Variants in DAB1 observed in about 807,000 individuals in gnomAD.
DAB1 encodes disabled homolog 1.
A neutral mutation model predicts 64.6 loss-of-function variants in DAB1; 15 were observed. The observed-to-expected ratio is 0.23, with a 90% CI of 0.16 to 0.36. The LOEUF is 0.36. DAB1 is among the 10% of genes least tolerant of loss of function. DAB1 has a pLI of 1.00. For synonymous variants in DAB1, 235 were observed against 251.9 expected, an observed-to-expected ratio of 0.93 and a Z score of 0.64; for missense variants, 596 against 706.7, an observed-to-expected ratio of 0.84 and a Z score of 1.78.
At chr1:57,482,477 T>TAAAAAAA (rs918167439) in intron 7 of DAB1, among the ~76,000 whole-genome samples, 6 of 61,184 alleles carry the variant, frequency 9.8e-5, no homozygotes, top group Admixed American at 2.0e-4. Flanking sequence ...CTGAAAGTTG[T>TAAAAAAA]AAAAAAAAAA....
chr1:57,649,954 A>G (rs1019068814), intron 6 of DAB1, among the ~76,000 whole-genome samples: 1 of 152,234 alleles, frequency 6.6e-6, no homozygotes, highest in African/African-American at 2.4e-5. Flanking sequence ...ATACATATCT[A>G]CACATACACA....
chr1:57,448,006 C>A (rs893857629), intron 7 of DAB1, among the ~76,000 whole-genome samples: 1 of 152,150 alleles, frequency 6.6e-6, no homozygotes, highest in Non-Finnish European at 1.5e-5. Context: ...AAATAGGGAA[C>A]AAATTGTTCC....
At chr1:57,418,841 T>C (rs1684688094) in intron 1 of DAB1, among the ~76,000 whole-genome samples, 1 of 152,204 alleles carries the variant, frequency 6.6e-6, no homozygotes, top group Admixed American at 6.5e-5. Flanking sequence ...AGGAGTTTTA[T>C]GATTCCTCAA....
intron 7 of DAB1, among the ~76,000 whole-genome samples, chr1:57,625,076 A>C (rs753775196): frequency 2.0e-5 from 3 of 152,222 alleles, no homozygotes; most frequent in Non-Finnish European, 4.4e-5. Context: ...GATGCTGGGA[A>C]GGAAGGCATT....
Position 57,679,855 on chromosome 1 carries a change from C to T in DAB1, n.552-30190G>A, listed in dbSNP as rs147728390. On this transcript the variant is annotated intron_variant and non_coding_transcript_variant, in intron 6 of 20. Coordinates refer to the DAB1 transcript ENST00000485760. ...ATGAGTCAGGCACTGTACTAAGTTC[C>T]TTGAAGATATCATCTCATTTAGCTA... Among the ~76,000 whole-genome samples, 1,163 of 152,302 alleles carry T rather than the reference C, an allele frequency of 7.6e-3. 14 individuals carry two copies. Among genetic ancestry groups the T allele is most frequent in the African/African-American group, 0.027 (1,117 of 41,562 alleles).
Position 58,489,122 on chromosome 1 carries a change from C to T in DAB1, n.257+16938G>A, listed in dbSNP as rs1454121306. Among the ~76,000 whole-genome samples the T allele has an allele frequency of 5.9e-5, 9 of 152,224 alleles. No homozygotes were observed. The South Asian group carries it at 6.2e-4, about 11-fold the overall frequency. On this transcript the variant is annotated intron_variant and non_coding_transcript_variant, in intron 3 of 20. Transcript: ENST00000485760. Reference sequence around the variant, plus strand: ...AGGACAGTCGGTGCAGCGCACCGAGCGTGAGCCGAAGTAGGGCAAGGCATC... The same window carrying T: ...AGGACAGTCGGTGCAGCGCACCGAGTGTGAGCCGAAGTAGGGCAAGGCATC...
At chr1:57,978,582 AAACG>A (rs757375421) in intron 5 of DAB1, among the ~76,000 whole-genome samples, 13 of 152,208 alleles carry the variant, frequency 8.5e-5, no homozygotes, top group Non-Finnish European at 8.8e-5. Flanking sequence ...TAATTAAACT[AAACG>A]GCTTCTGCAA....
At position 57,750,784 on chromosome 1, in the gene DAB1, G is replaced by T. The variant is rs1648513186; in HGVS notation, n.552-101119C>A. Reference sequence around the variant, plus strand: ...TTGCCTCTCTTACCCGCTGTGAGAGGCTTGAAGGTAGAGGTCATATCCCTT... The same window carrying T: ...TTGCCTCTCTTACCCGCTGTGAGAGTCTTGAAGGTAGAGGTCATATCCCTT... On this transcript the variant is annotated intron_variant and non_coding_transcript_variant, in intron 6 of 20. Coordinates refer to the DAB1 transcript ENST00000485760. Among the ~76,000 whole-genome samples the T allele has an allele frequency of 1.3e-5, 2 of 152,126 alleles. 1 individual carries two copies. Among genetic ancestry groups the T allele is most frequent in the South Asian group, 4.2e-4 (2 of 4,818 alleles).
At chr1:57,542,817 TGTG>T (rs1340028796) in intron 7 of DAB1, among the ~76,000 whole-genome samples, 2 of 152,170 alleles carry the variant, frequency 1.3e-5, no homozygotes, top group Non-Finnish European at 2.9e-5. Context: ...GGTTGGTCTG[TGTG>T]ACAATAGAAT....
At chr1:57,631,246 T>G (rs1291575389) in intron 7 of DAB1, among the ~76,000 whole-genome samples, 4 of 152,154 alleles carry the variant, frequency 2.6e-5, no homozygotes, top group Non-Finnish European at 5.9e-5. Context: ...ATAAAGTTAT[T>G]TAAAGATGAA....
At chr1:58,040,635 T>C (rs1043915320) in intron 5 of DAB1, among the ~76,000 whole-genome samples, 2 of 152,200 alleles carry the variant, frequency 1.3e-5, no homozygotes, top group Non-Finnish European at 2.9e-5. Context: ...TTCCTGCGGA[T>C]TGAGAACATT....
intron 4 of DAB1, among the ~76,000 whole-genome samples, chr1:58,203,077 C>T (rs78663840): frequency 0.011 from 1,659 of 152,228 alleles, 30 homozygotes; most frequent in African/African-American, 0.038. Context: ...TCAAGAAGAT[C>T]CTGCCCTTAA....
intron 4 of DAB1, among the ~76,000 whole-genome samples, chr1:57,135,167 C>T (rs1344273069): frequency 3.9e-5 from 6 of 152,166 alleles, no homozygotes; most frequent in African/African-American, 1.2e-4. Context: ...TACATACATT[C>T]ACATTTTTGT....
At chr1:57,606,063 G>C (rs966347798) in intron 7 of DAB1, 3 of 572,004 alleles carry the variant, frequency 5.2e-6, no homozygotes, top group Non-Finnish European at 9.8e-6. Context: ...CTTTCCCTTT[G>C]ATATTCTTTT....
At chr1:57,974,717 GCA>G (rs1645877726) in intron 5 of DAB1, among the ~76,000 whole-genome samples, 1 of 151,924 alleles carries the variant, frequency 6.6e-6, no homozygotes, top group East Asian at 1.9e-4. Flanking sequence ...CATATGTCTT[GCA>G]CATATATCTT....
At chr1:57,648,465 T>C (rs954049177) in intron 7 of DAB1, among the ~76,000 whole-genome samples, 6 of 152,176 alleles carry the variant, frequency 3.9e-5, no homozygotes, top group Admixed American at 2.0e-4. Flanking sequence ...AAACCATCAG[T>C]AAAAAGGTTT....
At chr1:57,248,548 T>C (rs1446682981) in intron 2 of DAB1, among the ~76,000 whole-genome samples, 1 of 152,224 alleles carries the variant, frequency 6.6e-6, no homozygotes, top group East Asian at 1.9e-4. Context: ...CAAGTGCCGG[T>C]GCTGAAAACA....
chr1:57,125,540 C>T (rs1003082373), intron 4 of DAB1, among the ~76,000 whole-genome samples: 2 of 151,764 alleles, frequency 1.3e-5, no homozygotes, highest in African/African-American at 4.8e-5. Flanking sequence ...AGTATATCTA[C>T]ATGTACATGA....
At chr1:57,390,353 C>G (rs745999730) in intron 1 of DAB1, among the ~76,000 whole-genome samples, 1 of 152,172 alleles carries the variant, frequency 6.6e-6, no homozygotes, top group Non-Finnish European at 1.5e-5. Flanking sequence ...AACACCTGCC[C>G]TCATAGGGAT....
Sources: gnomAD v4.1 joint callset for allele counts (sites outside exome capture counted in the v4.1 genomes callset) on GRCh38, gnomAD v4.1.1 for gene constraint, MANE v1.5 for transcripts, NCBI Gene and HGNC (gene_info 2026-07-23, HGNC 2026-07-21) for gene names.